The following PPP3CA variants were observed in gnomAD, a reference collection of about 807,000 sequenced individuals.
The protein encoded by PPP3CA is protein phosphatase 3 catalytic subunit alpha.
A neutral mutation model predicts 66.5 loss-of-function variants in PPP3CA; 14 were observed. The ratio of observed to expected loss-of-function variants is 0.21; its 90% CI spans 0.14 to 0.33. The LOEUF (loss-of-function observed/expected upper bound fraction) is 0.33, where lower values mean the gene tolerates loss of function less well. Ranked by LOEUF, PPP3CA falls within the 10% of genes least tolerant of loss-of-function variation. The pLI, the probability that PPP3CA is intolerant of heterozygous loss-of-function variation, is 1.00. For missense variants in PPP3CA, 317 were observed against 639.5 expected, an observed-to-expected ratio of 0.50 and a Z score of 5.44; for synonymous variants, 232 against 226.2, an observed-to-expected ratio of 1.03 and a Z score of -0.23.
chr4:101,292,128 ACACG>A (rs1728048737), intron 1 of PPP3CA, among the ~76,000 whole-genome samples: 2 of 110,124 alleles, frequency 1.8e-5, no homozygotes, highest in South Asian at 3.0e-4. Context: ...ACACACACAC[ACACG>A]GCCCCTATAG....
chr4:101,128,023 C>T (rs1722300994), intron 2 of PPP3CA, among the ~76,000 whole-genome samples: 1 of 152,168 alleles, frequency 6.6e-6, no homozygotes, highest in Non-Finnish European at 1.5e-5. Flanking sequence ...CTCTGATGTA[C>T]ATATAGGACT....
In PPP3CA at chr4:101,098,423, G is replaced by A. The variant is rs762135603; in HGVS notation, c.586C>T (p.Leu196=). ...PLAALMNQQF[L]CVHGGLSPEI... is the part of the protein sequence containing the mutation. Reference sequence around the variant, plus strand: ...GGAGACAAACCACCATGCACACACAGGAACTGTTGGTTCATCAGGGCAGCC... The same window carrying A: ...GGAGACAAACCACCATGCACACACAAGAACTGTTGGTTCATCAGGGCAGCC... Residue 196 remains leucine (L), a synonymous_variant, in exon 5 of 14, where the codon CTG becomes TTG. Coordinates refer to ENST00000394854, the MANE Select transcript of PPP3CA (RefSeq NM_000944.5). 6.2e-7 allele frequency: 1 copy of A among 1,612,736 alleles called. No individual in the cohort carries two copies. The highest frequency in any genetic ancestry group is 1.1e-5 in the South Asian group (1 of 90,892).
chr4:101,140,447 T>C (rs1329252518), intron 2 of PPP3CA, among the ~76,000 whole-genome samples: 13 of 152,188 alleles, frequency 8.5e-5, no homozygotes, highest in Non-Finnish European at 2.9e-5. Flanking sequence ...GGAGATTTGA[T>C]CAGCTCTCCT....
At chr4:101,100,734 TA>T (rs1217606362) in intron 3 of PPP3CA, among the ~76,000 whole-genome samples, 2 of 151,996 alleles carry the variant, frequency 1.3e-5, no homozygotes, top group Admixed American at 6.6e-5. Context: ...TAAGAAGATA[TA>T]AAAACTACAA....
intron 1 of PPP3CA, chr4:101,330,249 T>G (rs1003925934): frequency 2.4e-6 from 1 of 424,734 alleles, no homozygotes; most frequent in African/African-American, 2.1e-5. Flanking sequence ...GAACTAGAAT[T>G]AAAAGTGAAT....
chr4:101,333,273 T>TG (rs1729499668), intron 1 of PPP3CA, among the ~76,000 whole-genome samples: 1 of 30,490 alleles, frequency 3.3e-5, no homozygotes, highest in East Asian at 1.3e-3. Flanking sequence ...ATGCCCAGTT[T>TG]TTTTTTTTTT....
intron 2 of PPP3CA, among the ~76,000 whole-genome samples, chr4:101,169,673 T>C (rs574880775): frequency 2.6e-4 from 39 of 152,306 alleles, no homozygotes; most frequent in Non-Finnish European, 4.9e-4. Flanking sequence ...TTTCAGCATC[T>C]GATTATAAGC....
chr4:101,154,191 C>T (rs1298553884), intron 2 of PPP3CA, among the ~76,000 whole-genome samples: 1 of 152,056 alleles, frequency 6.6e-6, no homozygotes, highest in Non-Finnish European at 1.5e-5. Flanking sequence ...ACTTCTTGGC[C>T]AGAATGCTTC....
chr4:101,245,496 G>T (rs572017817), intron 1 of PPP3CA, among the ~76,000 whole-genome samples: 29 of 152,208 alleles, frequency 1.9e-4, no homozygotes, highest in Admixed American at 3.9e-4. Flanking sequence ...AAAGGGTCTT[G>T]AATTTACCTT....
chr4:101,328,998 G>T (rs535715307), intron 1 of PPP3CA, among the ~76,000 whole-genome samples: 6 of 150,508 alleles, frequency 4.0e-5, no homozygotes, highest in East Asian at 1.9e-4. Flanking sequence ...CCCTAAAATG[G>T]TCTCTAACTG....
intron 1 of PPP3CA, among the ~76,000 whole-genome samples, chr4:101,216,801 T>C (rs1249400973): frequency 6.6e-6 from 1 of 152,128 alleles, no homozygotes; most frequent in Non-Finnish European, 1.5e-5. Flanking sequence ...TCAGTCCACC[T>C]GGGCCTCCCA....
At chr4:101,142,416 G>A (rs896029266) in intron 2 of PPP3CA, among the ~76,000 whole-genome samples, 2 of 152,122 alleles carry the variant, frequency 1.3e-5, no homozygotes, top group Non-Finnish European at 2.9e-5. Context: ...GCTAAATACA[G>A]CCCAAAGCTA....
At chr4:101,287,183 C>A (rs1226490241) in intron 1 of PPP3CA, among the ~76,000 whole-genome samples, 2 of 151,760 alleles carry the variant, frequency 1.3e-5, no homozygotes, top group Non-Finnish European at 2.9e-5. Context: ...CAGTAACTGA[C>A]AGACAAAAAA....
chr4:101,252,697 T>C (rs1236227621), intron 1 of PPP3CA, among the ~76,000 whole-genome samples: 7 of 152,200 alleles, frequency 4.6e-5, no homozygotes, highest in Admixed American at 4.6e-4. Context: ...CTTGAAAGTA[T>C]AAGAAAATTA....
At chr4:101,144,719 C>T (rs1339866228) in intron 2 of PPP3CA, among the ~76,000 whole-genome samples, 2 of 152,122 alleles carry the variant, frequency 1.3e-5, no homozygotes, top group Non-Finnish European at 2.9e-5. Flanking sequence ...AAATGATCAA[C>T]AAACATTTCT....
intron 3 of PPP3CA, among the ~76,000 whole-genome samples, chr4:101,103,504 C>T (rs1383142753): frequency 6.6e-6 from 1 of 152,156 alleles, no homozygotes; most frequent in African/African-American, 2.4e-5. Flanking sequence ...GCAATTTCTT[C>T]TTCATGTCTG....
At chr4:101,337,326 T>C (rs1729663275) in intron 1 of PPP3CA, among the ~76,000 whole-genome samples, 1 of 152,236 alleles carries the variant, frequency 6.6e-6, no homozygotes, top group Non-Finnish European at 1.5e-5. Context: ...AGCCTCTAGT[T>C]AAATCACCAC....
Position 101,023,707 on chromosome 4 carries a change from T to C in PPP3CA, c.*2158A>G, listed in dbSNP as rs1726488050. ...ATTCATTAAAATAACCTTGGGATAG[T>C]CTTTGCCAGACTGTATCGAGAACAT... On this transcript the variant is annotated 3_prime_UTR_variant, in exon 14 of 14. Coordinates refer to ENST00000394854, the MANE Select transcript of PPP3CA (RefSeq NM_000944.5). 1.3e-5 allele frequency: 2 copies of C among 152,634 alleles called. No homozygotes were observed. The highest frequency in any genetic ancestry group is 4.1e-4 in the South Asian group (2 of 4,834). The allele number at this position is 152,634 out of a possible 1,614,324, so 9.5% of individuals were successfully genotyped here.
intron 2 of PPP3CA, among the ~76,000 whole-genome samples, chr4:101,176,134 G>C (rs1724051240): frequency 6.6e-6 from 1 of 152,018 alleles, no homozygotes; most frequent in Non-Finnish European, 1.5e-5. Context: ...AGTGAGCTCT[G>C]GGTCAAGGAC....
Sources: gnomAD v4.1 joint callset for allele counts (sites outside exome capture counted in the v4.1 genomes callset) on GRCh38, gnomAD v4.1.1 for gene constraint, MANE v1.5 for transcripts, NCBI Gene and HGNC (gene_info 2026-07-23, HGNC 2026-07-21) for gene names.